Variants in CDH24 observed in about 807,000 individuals in gnomAD.
CDH24 encodes the protein cadherin-24.
A neutral mutation model predicts 71.2 loss-of-function variants in CDH24; 61 were observed. That is an observed-to-expected ratio of 0.86 (90% CI 0.70 to 1.06). The LOEUF (loss-of-function observed/expected upper bound fraction) is 1.06. Among genes scored for constraint, CDH24 ranks in the 50% least tolerant of loss-of-function variants. CDH24 has a pLI of 0.00. For synonymous variants in CDH24, 440 were observed against 470.2 expected (o/e 0.94, Z 0.83); for missense variants, 961 against 1,083.7 (o/e 0.89, Z 1.59).
In CDH24 at chr14:23,051,707, A is replaced by G. The variant is rs1169965304; in HGVS notation, c.1363+766T>C. On this transcript the variant is annotated intron_variant, in intron 8 of 12. Transcript: ENST00000487137. This position sits in a 1 kb window ranked among gnomAD's most constrained non-coding sequence, Gnocchi z 4.4. ...AACATACCCACATGTGCACATTCAT[A>G]TAGGCCTTCACTGACACATTCAGAT... is the stretch of plus-strand genomic sequence containing the variant. Among the ~76,000 whole-genome samples, 1 of 152,240 alleles carries G rather than the reference A, an allele frequency of 6.6e-6. No individual in the cohort carries two copies. The highest frequency in any genetic ancestry group is 1.9e-4 in the East Asian group (1 of 5,200).
At chr14:23,050,766 C>T (rs3764167) in intron 8 of CDH24, among the ~76,000 whole-genome samples, 10,102 of 152,280 alleles carry the variant, frequency 0.066, 392 homozygotes, top group East Asian at 0.11. Context: ...TCCCTGTCAC[C>T]TCTCTTAGGC....
chr14:23,049,972 C>A, intron 8 of CDH24, 29 bp from the exon 9 acceptor site: 1 of 1,604,342 alleles, frequency 6.2e-7, no homozygotes, highest in Non-Finnish European at 8.5e-7. Context: ...AACATACACG[C>A]CACACACACA....
chr14:23,048,299 G>A lies in CDH24; in HGVS notation c.2027C>T (p.Pro676Leu), dbSNP rs1321599571. ...QNPDGAAPPA[P>L]GPPARRDVLP... ...CACGTCTCGGCGCGCGGGAGGGCCG[G>A]GCGCCGGGGGGGCCGCCCCGTCCGG... Residue 676 changes from proline to leucine, a missense_variant, in exon 12 of 13, where the codon CCC becomes CTC. Transcript: ENST00000487137. 1.1e-5 allele frequency: 17 copies of A among 1,597,004 alleles called. No homozygotes were observed. The highest frequency in any genetic ancestry group is 1.3e-5 in the Non-Finnish European group (15 of 1,174,070).
chr14:23,054,518 TG>T lies in CDH24; in HGVS notation c.771del (p.Lys258SerfsTer36), dbSNP rs753422808. The T allele has an allele frequency of 6.2e-7, 1 of 1,613,086 alleles. No individual in the cohort carries two copies. The highest frequency in any genetic ancestry group is 8.5e-7 in the Non-Finnish European group (1 of 1,179,464). ...VTLSDVNDNP[P>X]KFPQSLYQFS... ...AATGGCCCCTTACTCTGTGGGAACT[TG>T]GGGGGGTTGTCGTTGACATCGCTGA... On this transcript the variant is annotated frameshift_variant, in exon 5 of 13. Coordinates refer to ENST00000487137, the MANE Select transcript of CDH24 (RefSeq NM_144985.4). LOFTEE classifies it high-confidence loss of function. The surrounding 1 kb of genome is among the most constrained non-coding windows in gnomAD (Gnocchi z 5.2).
chr14:23,051,997 C>G lies in CDH24; in HGVS notation c.1363+476G>C. The G allele has an allele frequency of 6.3e-7, 1 of 1,587,500 alleles. No individual in the cohort carries two copies. Among genetic ancestry groups the G allele is most frequent in the South Asian group, 1.1e-5 (1 of 87,138 alleles). The stretch of plus-strand genomic sequence containing the variant: ...TGGGGGATTCCCACAGCGCTTCCAA[C>G]AGGGCTTCTCTGGGGTGGGGCTGCT... On this transcript the variant is annotated intron_variant, in intron 8 of 12. Coordinates refer to ENST00000487137, the MANE Select transcript of CDH24 (RefSeq NM_144985.4). The surrounding 1 kb of genome is among the most constrained non-coding windows in gnomAD (Gnocchi z 4.4).
rs755668018 is a variant in CDH24, at chr14:23,055,060, G to A, written c.495C>T (p.Val165=). The A allele has an allele frequency of 6.2e-6, 10 of 1,607,944 alleles. No individual in the cohort carries two copies. Among genetic ancestry groups the A allele is most frequent in the Middle Eastern group, 1.6e-4 (1 of 6,068 alleles). ...YHATVPEMSN[V]GTSVIQVTAH... is the part of the protein sequence containing the mutation. The stretch of plus-strand genomic sequence containing the variant: ...GGCATTCAGAGCTGGGGTGCTCACC[G>A]ACATTGGACATCTCGGGCACGGTGG... The change falls in exon 3 of 13, where the codon GTC becomes GTT. Residue 165 remains valine (V), a splice_region_variant and synonymous_variant. Coordinates refer to ENST00000487137, the MANE Select transcript of CDH24 (RefSeq NM_144985.4). This position sits in a 1 kb window ranked among gnomAD's most constrained non-coding sequence, Gnocchi z 4.1.
chr14:23,048,531 C>T (rs766940910), intron 11 of CDH24, 52 bp from the exon 12 acceptor site: 5 of 1,580,126 alleles, frequency 3.2e-6, no homozygotes, highest in South Asian at 1.1e-5. Flanking sequence ...CGGGAGCGGG[C>T]GGCCTGTCTC....
rs1398945708 is a variant in CDH24, at chr14:23,054,379, TC to T, written c.785-52del. ...TTCTCAGAGAGGTCCCCAGCCCTCC[TC>T]CCTCCCCACAGCACTTTATTCTCCC... On this transcript the variant is annotated intron_variant, in intron 5 of 12. Transcript: ENST00000487137. The surrounding 1 kb of genome is among the most constrained non-coding windows in gnomAD (Gnocchi z 5.2). 9 of 1,543,408 alleles carry T rather than the reference TC, an allele frequency of 5.8e-6. No individual in the cohort carries two copies. The highest frequency in any genetic ancestry group is 7.9e-6 in the Non-Finnish European group (9 of 1,142,622).
At chr14:23,053,838 CA>C in intron 6 of CDH24, 89 bp from the exon 7 acceptor site, 1 of 1,315,016 alleles carries the variant, frequency 7.6e-7, no homozygotes, top group Non-Finnish European at 1.0e-6. Flanking sequence ...CCCCTCCTCA[CA>C]TGCATGCAGT....
Position 23,054,055 on chromosome 14 carries a change from C to A in CDH24, c.972+86G>T. The stretch of plus-strand genomic sequence containing the variant: ...AAGCTCCAACAGAGAGATCCTGAGT[C>A]TGTTCTAGAAGAACAGTTAAATATG... On this transcript the variant is annotated intron_variant, in intron 6 of 12. Coordinates refer to ENST00000487137, the MANE Select transcript of CDH24 (RefSeq NM_144985.4). The surrounding 1 kb of genome is among the most constrained non-coding windows in gnomAD (Gnocchi z 5.2). The A allele has an allele frequency of 7.3e-7, 1 of 1,374,264 alleles. No individual in the cohort carries two copies. Among genetic ancestry groups the A allele is most frequent in the South Asian group, 1.4e-5 (1 of 71,268 alleles). The allele number at this position is 1,374,264 out of a possible 1,614,324, so 85.1% of individuals were successfully genotyped here. A position where few individuals can be genotyped will look rare whatever the true frequency, so the allele number is the denominator to read the frequency against.
At chr14:23,048,532 G>A (rs1289480337) in intron 11 of CDH24, 53 bp from the exon 12 acceptor site, 6 of 1,580,132 alleles carry the variant, frequency 3.8e-6, no homozygotes, top group Admixed American at 3.5e-5. Context: ...GGGAGCGGGC[G>A]GCCTGTCTCC....
At chr14:23,052,185 G>C in intron 8 of CDH24, 1 of 771,734 alleles carries the variant, frequency 1.3e-6, no homozygotes. Context: ...GTAAGGGAAT[G>C]ACTTGAGGGT....
Position 23,055,480 on chromosome 14 carries a change from G to A in CDH24, c.201+53C>T. 6.2e-7 allele frequency: 1 copy of A among 1,601,852 alleles called. No individual in the cohort carries two copies. Among genetic ancestry groups the A allele is most frequent in the Non-Finnish European group, 8.5e-7 (1 of 1,172,128 alleles). ...CATTGCAGAAGTGATGAAGTTGCAG[G>A]GCAGGGCCTGAGGGCTTGGTGTCAG... On this transcript the variant is annotated intron_variant, in intron 2 of 12. Coordinates refer to ENST00000487137, the MANE Select transcript of CDH24 (RefSeq NM_144985.4). This position sits in a 1 kb window ranked among gnomAD's most constrained non-coding sequence, Gnocchi z 4.1.
intron 11 of CDH24, among the ~76,000 whole-genome samples, chr14:23,048,776 C>G (rs1454011806): frequency 6.6e-6 from 1 of 152,186 alleles, no homozygotes; most frequent in African/African-American, 2.4e-5. Context: ...AAGTGACGTG[C>G]CCAGCACTAT....
At chr14:23,050,493 CCACA>C (rs10553168) in intron 8 of CDH24, among the ~76,000 whole-genome samples, 11,582 of 144,186 alleles carry the variant, frequency 0.08, 497 homozygotes, top group African/African-American at 0.11. Context: ...CATATACACA[CCACA>C]CACACACACA....
rs199961831 is a variant in CDH24 at position 23,054,854 on chromosome 14, A to G, written c.509T>C (p.Ile170Thr). 5.0e-6 allele frequency: 8 copies of G among 1,613,116 alleles called. No individual in the cohort carries two copies. The highest frequency in any genetic ancestry group is 1.6e-4 in the Middle Eastern group (1 of 6,084). The change falls in exon 4 of 13, where the codon ATC becomes ACC. Residue 170 changes from isoleucine (I) to threonine (T), a missense_variant. Physicochemically the swap from Ile to Thr is moderately conservative, Grantham distance 89 (BLOSUM62 -1). Around this residue, in one of 2 missense-constraint regions of CDH24, gnomAD observed 671 missense variants for 810.9 expected, o/e 0.83. Transcript: ENST00000487137. The surrounding 1 kb of genome is among the most constrained non-coding windows in gnomAD (Gnocchi z 5.2). Reference protein sequence around the residue: ...PEMSNVGTSVIQVTAHDADDP... With the variant: ...PEMSNVGTSVTQVTAHDADDP... Reference sequence around the variant, plus strand: ...ATCAGCATCGTGAGCAGTCACCTGGATCACTGATGTCCCTGTGGGGGATGC... The same window carrying G: ...ATCAGCATCGTGAGCAGTCACCTGGGTCACTGATGTCCCTGTGGGGGATGC...
Position 23,054,315 on chromosome 14 carries a change from G to A in CDH24, c.798C>T (p.Phe266=). ...CAGGTCCAGCTGTCTCCACCACGGA[G>A]AACTGGTATAGGCCTTGGGATGACA... ...PPKFPQSLYQ[F]SVVETAGPGT... The change falls in exon 6 of 13, where the codon TTC becomes TTT. Residue 266 remains phenylalanine, a synonymous_variant. Coordinates refer to ENST00000487137, the MANE Select transcript of CDH24 (RefSeq NM_144985.4). The surrounding 1 kb of genome is among the most constrained non-coding windows in gnomAD (Gnocchi z 5.2). 6.2e-7 allele frequency: 1 copy of A among 1,604,142 alleles called. No individual in the cohort carries two copies. The highest frequency in any genetic ancestry group is 1.1e-5 in the South Asian group (1 of 89,988).
At chr14:23,048,962 T>C (rs1431862889) in intron 11 of CDH24, 65 bp downstream of exon 11, 1 of 1,554,148 alleles carries the variant, frequency 6.4e-7, no homozygotes, top group African/African-American at 1.4e-5. Context: ...TCCAGAGGCC[T>C]GGTTCTTCTC....
Position 23,047,656 on chromosome 14 carries a change from G to C in CDH24, c.*324C>G, listed in dbSNP as rs1262712334. 1 of 236,100 alleles carries C rather than the reference G, an allele frequency of 4.2e-6. No homozygotes were observed. The highest frequency in any genetic ancestry group is 2.3e-5 in the African/African-American group (1 of 44,018). 14.6% of individuals were successfully genotyped at this position (236,100 alleles called of 1,614,324 possible). A position where few individuals can be genotyped will look rare whatever the true frequency, so the allele number is the denominator to read the frequency against. ...GCAGGGAGACTATGTGTGAGCTTCA[G>C]AACTGCAGAGACAAAACGCCACGGA... On this transcript the variant is annotated 3_prime_UTR_variant, in exon 12 of 13. Transcript: ENST00000487137.
Sources: allele counts gnomAD v4.1 joint callset (sites outside exome capture counted in the v4.1 genomes callset), GRCh38; gene constraint gnomAD v4.1.1; regional missense constraint gnomAD v4.1.1; non-coding constraint Gnocchi (gnomAD v3.1); transcripts MANE v1.5; gene names NCBI Gene and HGNC (gene_info 2026-07-23, HGNC 2026-07-21).